NPAS3: variants seen among roughly 807,000 people sequenced by gnomAD.
NPAS3 encodes neuronal PAS domain-containing protein 3.
In NPAS3, 14 loss-of-function variants were observed where a neutral mutation model predicts 73.1. The ratio of observed to expected loss-of-function variants is 0.19; its 90% CI spans 0.13 to 0.30. The LOEUF (loss-of-function observed/expected upper bound fraction) is 0.30. Among genes scored for constraint, NPAS3 ranks in the 10% least tolerant of loss-of-function variants. NPAS3 has a pLI of 1.00. For missense variants in NPAS3, 1,096 were observed against 1,250.0 expected, an observed-to-expected ratio of 0.88 and a Z score of 1.86; for synonymous variants, 620 against 541.5, an observed-to-expected ratio of 1.14 and a Z score of -2.01.
At chr14:33,412,374 C>T (rs986754900) in intron 4 of NPAS3, among the ~76,000 whole-genome samples, 4 of 152,146 alleles carry the variant, frequency 2.6e-5, no homozygotes, top group African/African-American at 4.8e-5. Context: ...CCCACCTCAG[C>T]TTCCCAAAGT....
chr14:33,610,903 A>G (rs2057728399), intron 5 of NPAS3: 1 of 152,254 alleles, frequency 6.6e-6, no homozygotes, highest in African/African-American at 2.4e-5. Flanking sequence ...ATTTAAGGCA[A>G]CAGAACACAG....
intron 3 of NPAS3, among the ~76,000 whole-genome samples, chr14:33,307,573 C>G (rs1472794200): frequency 1.4e-5 from 1 of 71,410 alleles, no homozygotes; most frequent in African/African-American, 5.5e-5. Context: ...ACGTTTTTCA[C>G]CTCACCAGGT....
chr14:33,755,823 G>T (rs924434997), intron 7 of NPAS3, among the ~76,000 whole-genome samples: 1 of 152,074 alleles, frequency 6.6e-6, no homozygotes, highest in African/African-American at 2.4e-5. Context: ...GAGACATCAG[G>T]CTGCTTCCAC....
At chr14:33,253,524 T>A (rs1472385516) in intron 3 of NPAS3, among the ~76,000 whole-genome samples, 1 of 152,116 alleles carries the variant, frequency 6.6e-6, no homozygotes, top group Admixed American at 6.6e-5. Flanking sequence ...TTCCATTTCC[T>A]ATGATTGCCC....
Position 33,422,271 on chromosome 14 carries a change from C to T in NPAS3, c.468+55003C>T, listed in dbSNP as rs182758837. Among the ~76,000 whole-genome samples, 111 of 151,928 alleles carry T rather than the reference C, an allele frequency of 7.3e-4. 1 individual carries two copies. Among genetic ancestry groups the T allele is most frequent in the Admixed American group, 4.8e-3 (73 of 15,208 alleles). On this transcript the variant is annotated intron_variant, in intron 4 of 11. Coordinates refer to ENST00000356141, the Ensembl canonical transcript of NPAS3. ...AAATAGTGTATATGAGGTTTGCCAA[C>T]TAAGATGAGCCCAGTTCAAAAGTAT...
chr14:33,713,302 C>T (rs1445781878), intron 6 of NPAS3, among the ~76,000 whole-genome samples: 6 of 152,202 alleles, frequency 3.9e-5, no homozygotes, highest in Non-Finnish European at 4.4e-5. Flanking sequence ...ACTCTTGCCC[C>T]CTCAACATAT....
intron 3 of NPAS3, among the ~76,000 whole-genome samples, chr14:33,228,716 C>A (rs2047731846): frequency 6.6e-6 from 1 of 152,008 alleles, no homozygotes; most frequent in Non-Finnish European, 1.5e-5. Flanking sequence ...AGTTTATAAG[C>A]CACTAGGAGG....
intron 2 of NPAS3, among the ~76,000 whole-genome samples, chr14:33,090,871 C>T (rs140891374): frequency 0.057 from 8,741 of 152,246 alleles, 648 homozygotes; most frequent in East Asian, 0.36. Context: ...TACATGGAAA[C>T]TGAACAACCT....
At chr14:33,465,473 CA>C (rs1452659609) in intron 4 of NPAS3, among the ~76,000 whole-genome samples, 2 of 152,114 alleles carry the variant, frequency 1.3e-5, no homozygotes, top group South Asian at 2.1e-4. Flanking sequence ...TCGATTCAAG[CA>C]TGATGTTTAG....
chr14:33,008,525 C>T (rs2039078782), intron 1 of NPAS3, among the ~76,000 whole-genome samples: 2 of 152,246 alleles, frequency 1.3e-5, no homozygotes, highest in Admixed American at 1.3e-4. Flanking sequence ...AATGTGAAAT[C>T]ACGAAATTTA....
chr14:33,283,471 G>T (rs1373228023), intron 3 of NPAS3, among the ~76,000 whole-genome samples: 1 of 152,168 alleles, frequency 6.6e-6, no homozygotes, highest in East Asian at 1.9e-4. Context: ...ATCAATTTAT[G>T]TTTCTAGAAT....
intron 2 of NPAS3, among the ~76,000 whole-genome samples, chr14:33,172,233 C>T (rs1367276677): frequency 6.6e-6 from 1 of 152,128 alleles, no homozygotes; most frequent in Non-Finnish European, 1.5e-5. Flanking sequence ...CAGACTTACT[C>T]GATGTAAGGT....
chr14:33,560,241 C>A (rs759184479), intron 5 of NPAS3, 31 bp downstream of exon 5: 1 of 840,454 alleles, frequency 1.2e-6, no homozygotes, highest in African/African-American at 1.7e-5. Flanking sequence ...TTCTTGGCAG[C>A]GATTATGAAG....
At chr14:33,507,560 T>C (rs1251346658) in intron 4 of NPAS3, among the ~76,000 whole-genome samples, 2 of 151,996 alleles carry the variant, frequency 1.3e-5, no homozygotes, top group Admixed American at 6.6e-5. Flanking sequence ...CTTTTTATTA[T>C]ATAACTAGTA....
intron 3 of NPAS3, among the ~76,000 whole-genome samples, chr14:33,215,823 G>A (rs1000499436): frequency 2.0e-5 from 3 of 152,118 alleles, no homozygotes; most frequent in Non-Finnish European, 4.4e-5. Flanking sequence ...AGAAAGGCAG[G>A]GAGCATAGCT....
At chr14:33,186,860 T>C (rs1934878506) in intron 2 of NPAS3, among the ~76,000 whole-genome samples, 1 of 152,194 alleles carries the variant, frequency 6.6e-6, no homozygotes, top group Admixed American at 6.5e-5. Flanking sequence ...TAGTCATCTC[T>C]GGAGCCATTT....
intron 3 of NPAS3, among the ~76,000 whole-genome samples, chr14:33,363,932 G>GTGT (rs1476936286): frequency 6.6e-6 from 1 of 151,614 alleles, no homozygotes; most frequent in African/African-American, 2.4e-5. Flanking sequence ...CTGTGTGTGT[G>GTGT]TGTGTGTGTG....
At chr14:33,649,754 T>C (rs2058938087) in intron 5 of NPAS3, among the ~76,000 whole-genome samples, 1 of 151,934 alleles carries the variant, frequency 6.6e-6, no homozygotes, top group African/African-American at 2.4e-5. Flanking sequence ...ACAAGCTAAA[T>C]CAGAAAACTC....
chr14:33,140,041 T>C (rs1350336853), intron 2 of NPAS3, among the ~76,000 whole-genome samples: 1 of 152,160 alleles, frequency 6.6e-6, no homozygotes. Context: ...TCTTAATAAT[T>C]ATAGTAGTAC....
Sources: allele counts gnomAD v4.1 joint callset (sites outside exome capture counted in the v4.1 genomes callset), GRCh38; gene constraint gnomAD v4.1.1; transcripts MANE v1.5; gene names NCBI Gene and HGNC (gene_info 2026-07-23, HGNC 2026-07-21).